Variants in MED13 observed in about 807,000 individuals in gnomAD.
The protein encoded by MED13 is mediator complex subunit 13.
MED13 carries 23 observed loss-of-function variants against 225.2 expected under a neutral mutation model. The observed-to-expected ratio is 0.10, with a 90% CI of 0.07 to 0.14. MED13 has a LOEUF of 0.14. Ranked by LOEUF, MED13 falls within the 10% of genes least tolerant of loss-of-function variation. The probability of loss-of-function intolerance (pLI) is 1.00; values close to 1 mark genes in which losing one functional copy is unlikely to be tolerated. For synonymous variants in MED13, 942 were observed against 889.2 expected (o/e 1.06, Z -1.06); for missense variants, 2,197 against 2,594.5 (o/e 0.85, Z 3.33).
intron 10 of MED13, 62 bp from the exon 11 acceptor site, chr17:61,992,683 A>G: frequency 8.7e-7 from 1 of 1,155,446 alleles, no homozygotes; most frequent in Non-Finnish European, 1.3e-6. Flanking sequence ...AAATCTACCA[A>G]TTATTGAGGA....
chr17:61,959,284 G>A (rs1567942823), intron 23 of MED13, among the ~76,000 whole-genome samples: 1 of 152,120 alleles, frequency 6.6e-6, no homozygotes, highest in Non-Finnish European at 1.5e-5. Context: ...AAAGTGCTGA[G>A]ATTAGAGGCA....
chr17:62,063,110 A>C lies in MED13; in HGVS notation c.258T>G (p.Gly86=). ...GRRELWIFWW[G]EDPSFADLIH... ...TAAGGTCAGCAAAACTGGGGTCTTC[A>C]CCCCACCAAAATATCCACAATTCTC... The change falls in exon 2 of 30, where the codon GGT becomes GGG. Residue 86 remains glycine, a synonymous_variant. Transcript: ENST00000397786. 2 of 1,614,146 alleles carry C rather than the reference A, an allele frequency of 1.2e-6. No individual in the cohort carries two copies. The highest frequency in any genetic ancestry group is 1.7e-6 in the Non-Finnish European group (2 of 1,180,006).
rs1226859184 is a variant in MED13, at chr17:61,968,085, A to G, written c.4141T>C (p.Leu1381=). The part of the protein sequence containing the change: ...YVVLCPENEA[L]LNGAKSFFRD... ...AAAAAGCTTTTTGCTCCATTTAACA[A>G]GGCTTCATTTTCTGGACACAGTACA... The change falls in exon 18 of 30, where the codon TTG becomes CTG. Residue 1381 remains leucine (L), a synonymous_variant. Coordinates refer to ENST00000397786, the MANE Select transcript of MED13 (RefSeq NM_005121.3). The G allele has an allele frequency of 1.9e-6, 3 of 1,613,952 alleles. No individual in the cohort carries two copies. The highest frequency in any genetic ancestry group is 1.3e-5 in the African/African-American group (1 of 74,922).
At chr17:62,060,397 C>T (rs1034654051) in intron 2 of MED13, among the ~76,000 whole-genome samples, 8 of 152,016 alleles carry the variant, frequency 5.3e-5, no homozygotes, top group South Asian at 4.1e-4. Context: ...CCAAGGCTGG[C>T]GGATCACAAG....
chr17:62,063,345 C>G (rs764991068), intron 1 of MED13, 44 bp from the exon 2 acceptor site: 1 of 1,331,180 alleles, frequency 7.5e-7, no homozygotes, highest in African/African-American at 1.5e-5. Flanking sequence ...CATATTCACT[C>G]AAAGTCAAAA....
Position 61,982,742 on chromosome 17 carries a change from G to C in MED13, c.3261C>G (p.Asp1087Glu). 6.2e-7 allele frequency: 1 copy of C among 1,614,176 alleles called. No individual in the cohort carries two copies. The highest frequency in any genetic ancestry group is 8.5e-7 in the Non-Finnish European group (1 of 1,180,036). Residue 1087 changes from aspartate (D) to glutamate (E), a missense_variant, in exon 16 of 30, where the codon GAC becomes GAG. Physicochemically the swap from Asp to Glu is conservative, Grantham distance 45. Around this residue, in one of 12 missense-constraint regions of MED13, gnomAD observed 99 missense variants for 158.5 expected, o/e 0.62. Coordinates refer to ENST00000397786, the MANE Select transcript of MED13 (RefSeq NM_005121.3). ...AGATGCAACAACTATCAAAGTTACA[G>C]TCTTTAAACAAATTCATAACTGATT... ...LSESVMNLFK[D>E]CNFDSCCICV...
In MED13 at chr17:61,962,823, C is replaced by G. The variant is rs370199643; in HGVS notation, c.4993G>C (p.Gly1665Arg). ...STNSSSVWTL[G>R]LLRCFLEMVQ... is the part of the protein sequence containing the mutation. ...ATTTCTAGAAAGCATCGAAGTAGCC[C>G]CAATGTCCACACACTAGAAGAGTTA... is the stretch of plus-strand genomic sequence containing the variant. Residue 1665 changes from glycine (G) to arginine (R), a missense_variant, in exon 21 of 30, where the codon GGG becomes CGG. Gly to Arg is a moderately radical substitution (Grantham distance 125). Transcript: ENST00000397786. The G allele has an allele frequency of 1.2e-6, 2 of 1,613,996 alleles. No homozygotes were observed. The highest frequency in any genetic ancestry group is 8.5e-7 in the Non-Finnish European group (1 of 1,180,012).
At position 61,946,450 on chromosome 17, in the gene MED13, A is replaced by T. The variant is rs1485065570; in HGVS notation, c.*18T>A. 1 of 1,610,144 alleles carries T rather than the reference A, an allele frequency of 6.2e-7. No homozygotes were observed. Among genetic ancestry groups the T allele is most frequent in the East Asian group, 2.2e-5 (1 of 44,844 alleles). ...ATTTTTCCTTGTTCTTTTCTTGCACAGTTCCATCAAATGAAGATCACAGCA... is the reference window on the plus strand; with the variant it reads ...ATTTTTCCTTGTTCTTTTCTTGCACTGTTCCATCAAATGAAGATCACAGCA... On this transcript the variant is annotated 3_prime_UTR_variant, in exon 30 of 30. Coordinates refer to ENST00000397786, the MANE Select transcript of MED13 (RefSeq NM_005121.3).
At chr17:62,051,956 T>C (rs1189861731) in intron 3 of MED13, among the ~76,000 whole-genome samples, 3 of 152,210 alleles carry the variant, frequency 2.0e-5, no homozygotes, top group East Asian at 3.9e-4. Context: ...GAGGTATCTA[T>C]CATAAGTCTT....
chr17:62,017,836 T>C (rs1420990075), intron 8 of MED13, among the ~76,000 whole-genome samples: 1 of 152,252 alleles, frequency 6.6e-6, no homozygotes, highest in Non-Finnish European at 1.5e-5. Context: ...AGGTAGTGCA[T>C]ATAAAGCATT....
At chr17:61,983,492 G>A (rs1410089240) in intron 15 of MED13, among the ~76,000 whole-genome samples, 2 of 152,048 alleles carry the variant, frequency 1.3e-5, no homozygotes, top group Non-Finnish European at 2.9e-5. Flanking sequence ...TGTGTAAAAA[G>A]GGAAAAATGG....
chr17:62,013,985 G>C (rs1039653475), intron 8 of MED13, among the ~76,000 whole-genome samples: 1 of 152,056 alleles, frequency 6.6e-6, no homozygotes. Flanking sequence ...GTTGCAGCAA[G>C]CTGAGATCAC....
At chr17:61,987,978 A>G (rs2080263007) in intron 11 of MED13, among the ~76,000 whole-genome samples, 1 of 151,974 alleles carries the variant, frequency 6.6e-6, no homozygotes, top group Admixed American at 6.6e-5. Context: ...TCTGGGCTCA[A>G]GCAATCTGCC....
rs987015373 is a variant in MED13 at position 61,968,277 on chromosome 17, T to G, written c.3968-19A>C. 5 of 1,547,574 alleles carry G rather than the reference T, an allele frequency of 3.2e-6. No homozygotes were observed. In the Admixed American group the frequency reaches 7.6e-5, roughly 24 times the overall value. ...TCAGTTCCTAAATAAGAAAGATGTA[T>G]TTTAAGAAAACACTTAAAAACAAGA... is the stretch of plus-strand genomic sequence containing the variant. On this transcript the variant is annotated intron_variant, in intron 17 of 29. Transcript: ENST00000397786.
At chr17:61,995,698 TA>T (rs1183516400) in intron 9 of MED13, among the ~76,000 whole-genome samples, 1 of 152,206 alleles carries the variant, frequency 6.6e-6, no homozygotes, top group African/African-American at 2.4e-5. Context: ...AAGGGGCTCT[TA>T]AATCTAAACT....
chr17:61,980,908 A>AT (rs2080198338), intron 16 of MED13, among the ~76,000 whole-genome samples: 2 of 151,776 alleles, frequency 1.3e-5, no homozygotes, highest in South Asian at 2.1e-4. Context: ...ATGCTGGCTA[A>AT]TTTTTGTATT....
At chr17:61,985,664 C>T (rs1603397428) in intron 12 of MED13, among the ~76,000 whole-genome samples, 1 of 152,170 alleles carries the variant, frequency 6.6e-6, no homozygotes, top group South Asian at 2.1e-4. Flanking sequence ...CAATGAGACT[C>T]TTGTCTTAAA....
intron 8 of MED13, among the ~76,000 whole-genome samples, chr17:62,024,075 T>A (rs1177889943): frequency 6.6e-6 from 1 of 152,010 alleles, no homozygotes; most frequent in Non-Finnish European, 1.5e-5. Flanking sequence ...CAAAGTGCAG[T>A]AACGCCATCT....
intron 3 of MED13, among the ~76,000 whole-genome samples, chr17:62,038,135 C>G (rs2080821720): frequency 6.6e-6 from 1 of 151,856 alleles, no homozygotes; most frequent in African/African-American, 2.4e-5. Flanking sequence ...CCAGTCATGC[C>G]TGTTATCTCA....
Sources: gnomAD v4.1 joint callset for allele counts (sites outside exome capture counted in the v4.1 genomes callset) on GRCh38, gnomAD v4.1.1 for gene constraint, gnomAD v4.1.1 regional missense constraint, MANE v1.5 for transcripts, NCBI Gene and HGNC (gene_info 2026-07-23, HGNC 2026-07-21) for gene names.